PSD3: variants seen among roughly 807,000 people sequenced by gnomAD.
The protein encoded by PSD3 is pleckstrin and Sec7 domain containing 3, also known as PH and SEC7 domain-containing protein 3.
Under a neutral mutation model 105.5 loss-of-function variants are expected in PSD3, and 49 were observed. The ratio of observed to expected loss-of-function variants is 0.46; its 90% CI spans 0.37 to 0.59. The LOEUF is 0.59. Among genes scored for constraint, PSD3 ranks in the 20% least tolerant of loss-of-function variants. The pLI, the probability that PSD3 is intolerant of heterozygous loss-of-function variation, is 0.00. For missense variants in PSD3, 1,561 were observed against 1,263.8 expected, an observed-to-expected ratio of 1.24 and a Z score of -3.57; for synonymous variants, 557 against 457.8, an observed-to-expected ratio of 1.22 and a Z score of -2.77.
At chr8:18,872,790 G>A in intron 2 of PSD3, 57 bp from the exon 3 acceptor site, 1 of 1,443,432 alleles carries the variant, frequency 6.9e-7, no homozygotes, top group Non-Finnish European at 9.4e-7. Flanking sequence ...GGCCCAGTAG[G>A]TAATAATGCA....
intron 2 of PSD3, among the ~76,000 whole-genome samples, chr8:18,889,524 C>G (rs1257851200): frequency 3.3e-5 from 5 of 152,182 alleles, no homozygotes; most frequent in Non-Finnish European, 1.5e-5. Context: ...ATTATTCAAA[C>G]TAGCCAATCT....
At chr8:18,747,493 G>GA (rs1805126848) in intron 9 of PSD3, among the ~76,000 whole-genome samples, 1 of 152,212 alleles carries the variant, frequency 6.6e-6, no homozygotes, top group African/African-American at 2.4e-5. Flanking sequence ...AACTACAGGT[G>GA]AAAGCAACAG....
In PSD3 at chr8:18,740,752, T is replaced by C. The variant is rs955268865; in HGVS notation, c.2172+24697A>G. Among the ~76,000 whole-genome samples the C allele has an allele frequency of 3.9e-5, 6 of 152,220 alleles. No individual in the cohort carries two copies. In the South Asian group the frequency reaches 1.0e-3, roughly 26 times the overall value. On this transcript the variant is annotated intron_variant, in intron 9 of 15. Coordinates refer to ENST00000327040, the MANE Select transcript of PSD3 (RefSeq NM_015310.4). ...AAATCCTCTCTCTCACTCATCCTCA[T>C]ATTCAAATGAACAAATGATTCCCTC...
At chr8:18,563,342 G>C (rs577647617) in intron 14 of PSD3, among the ~76,000 whole-genome samples, 8 of 151,206 alleles carry the variant, frequency 5.3e-5, no homozygotes, top group African/African-American at 2.0e-4. Flanking sequence ...TGAACAAATA[G>C]ATTTTTTTTT....
In PSD3 at chr8:18,930,184, G is replaced by T. The variant is rs371845783; in HGVS notation, c.130+5850C>A. Among the ~76,000 whole-genome samples, 7 of 152,260 alleles carry T rather than the reference G, an allele frequency of 4.6e-5. No individual in the cohort carries two copies. In the East Asian group the frequency reaches 9.7e-4, roughly 21 times the overall value. On this transcript the variant is annotated intron_variant, in intron 2 of 15. Coordinates refer to ENST00000327040, the MANE Select transcript of PSD3 (RefSeq NM_015310.4). ...ACAAGACTCACACTTCCAGAAACGT[G>T]AGTGGGTAGGGGTCAAGAGAGCCCT...
chr8:18,783,259 C>T (rs1198945387), intron 8 of PSD3, among the ~76,000 whole-genome samples: 3 of 152,138 alleles, frequency 2.0e-5, no homozygotes, highest in Admixed American at 6.5e-5. Flanking sequence ...GGTTATCTAG[C>T]TGTTGACAAT....
chr8:18,829,840 A>T (rs1563321674), intron 4 of PSD3, among the ~76,000 whole-genome samples: 1 of 152,350 alleles, frequency 6.6e-6, no homozygotes, highest in East Asian at 1.9e-4. Flanking sequence ...GTAAAAAGAC[A>T]TTTTTAAAAG....
intron 12 of PSD3, among the ~76,000 whole-genome samples, chr8:18,581,797 C>G (rs1027239318): frequency 6.6e-6 from 1 of 152,190 alleles, no homozygotes; most frequent in Non-Finnish European, 1.5e-5. Context: ...GTTTATTTCT[C>G]ACATAGCTCC....
rs79528595 is a variant in PSD3 at position 18,898,009 on chromosome 8, G to A, written c.131-25276C>T. ...GTGGTCATTCTTGTCTTGTTCCAGAGCTAGAGGAAAAGTTTGCAGCTTTCC... is the reference window on the plus strand; with the variant it reads ...GTGGTCATTCTTGTCTTGTTCCAGAACTAGAGGAAAAGTTTGCAGCTTTCC... On this transcript the variant is annotated intron_variant, in intron 2 of 15. Transcript: ENST00000327040. 1.4e-4 allele frequency among the ~76,000 whole-genome samples: 21 copies of A among 152,244 alleles called. No individual in the cohort carries two copies. The East Asian group carries it at 3.5e-3, about 25-fold the overall frequency.
chr8:18,937,547 T>G (rs982280304), intron 1 of PSD3, among the ~76,000 whole-genome samples: 1 of 149,392 alleles, frequency 6.7e-6, no homozygotes, highest in African/African-American at 2.5e-5. Context: ...CCCACTTTGT[T>G]CTTTAATACC....
chr8:18,862,465 A>T (rs562566135), intron 4 of PSD3, among the ~76,000 whole-genome samples: 1 of 152,178 alleles, frequency 6.6e-6, no homozygotes, highest in Non-Finnish European at 1.5e-5. Flanking sequence ...TGACTGAACA[A>T]ATTTAAAATG....
intron 12 of PSD3, 65 bp downstream of exon 12, chr8:18,600,299 A>G (rs1804342190): frequency 3.6e-6 from 5 of 1,396,140 alleles, no homozygotes; most frequent in Non-Finnish European, 5.1e-6. Context: ...CCGTACATAC[A>G]TATACTGGAC....
At chr8:18,707,729 T>C (rs1234080553) in intron 9 of PSD3, among the ~76,000 whole-genome samples, 1 of 152,162 alleles carries the variant, frequency 6.6e-6, no homozygotes, top group Non-Finnish European at 1.5e-5. Context: ...ATAAGGCTCA[T>C]TAGAAACATA....
chr8:18,591,331 T>C (rs983206695), intron 12 of PSD3, among the ~76,000 whole-genome samples: 1 of 152,144 alleles, frequency 6.6e-6, no homozygotes, highest in Non-Finnish European at 1.5e-5. Context: ...TTAATCTTGG[T>C]TCAATTGGAA....
chr8:18,989,695 T>A (rs1825690436), intron 1 of PSD3, among the ~76,000 whole-genome samples: 1 of 152,142 alleles, frequency 6.6e-6, no homozygotes, highest in Admixed American at 6.5e-5. Context: ...CCAACAACAA[T>A]AAATATCCTA....
chr8:18,840,798 T>C (rs150364383), intron 4 of PSD3, among the ~76,000 whole-genome samples: 11 of 152,270 alleles, frequency 7.2e-5, no homozygotes, highest in Non-Finnish European at 1.0e-4. Context: ...AGCAGTCAGA[T>C]TGGAGAGGCA....
chr8:19,016,752 C>G (rs537689905), upstream of PSD3, among the ~76,000 whole-genome samples: 63 of 152,310 alleles, frequency 4.1e-4, no homozygotes, highest in South Asian at 0.012. Flanking sequence ...TCCAAGAGCA[C>G]AGCAACAGCA....
intron 1 of PSD3, among the ~76,000 whole-genome samples, chr8:18,978,405 A>G (rs940081813): frequency 1.3e-5 from 2 of 152,250 alleles, no homozygotes; most frequent in Admixed American, 1.3e-4. Flanking sequence ...GATTTTGTTC[A>G]GATTTGGAAG....
At chr8:18,983,969 T>C (rs1231991038) in intron 1 of PSD3, among the ~76,000 whole-genome samples, 1 of 147,156 alleles carries the variant, frequency 6.8e-6, no homozygotes, top group African/African-American at 2.5e-5. Flanking sequence ...TGTGCTACCA[T>C]ACTCCAGCCT....
Sources: gnomAD v4.1 joint callset for allele counts (sites outside exome capture counted in the v4.1 genomes callset) on GRCh38, gnomAD v4.1.1 for gene constraint, MANE v1.5 for transcripts, NCBI Gene and HGNC (gene_info 2026-07-23, HGNC 2026-07-21) for gene names.